ARAP2: variants seen among roughly 807,000 people sequenced by gnomAD.
ARAP2 encodes arf-GAP with Rho-GAP domain, ANK repeat and PH domain-containing protein 2.
Under a neutral mutation model 194.5 loss-of-function variants are expected in ARAP2, and 148 were observed. The ratio of observed to expected loss-of-function variants is 0.76; its 90% CI spans 0.67 to 0.87. ARAP2 has a LOEUF of 0.87. Ranked by LOEUF, ARAP2 falls within the 40% of genes least tolerant of loss-of-function variation. The pLI, the probability that ARAP2 is intolerant of heterozygous loss-of-function variation, is 0.00. For missense variants in ARAP2, 2,128 were observed against 1,989.7 expected (o/e 1.07, Z -1.32); for synonymous variants, 695 against 683.5 (o/e 1.02, Z -0.26).
Position 36,039,785 on chromosome 4 carries a change from G to A in ARAP2, n.607+6194C>T, listed in dbSNP as rs553239351. 5.3e-5 allele frequency among the ~76,000 whole-genome samples: 8 copies of A among 152,190 alleles called. No individual in the cohort carries two copies. In the South Asian group the frequency reaches 1.5e-3, roughly 28 times the overall value. ...AAGGAGGATCAGCAGGACTGGAAGA[G>A]GTGTCATAAAGAAAGGCATGAAGAC... On this transcript the variant is annotated intron_variant and non_coding_transcript_variant, in intron 5 of 12. Transcript: ENST00000503225.
Position 36,030,014 on chromosome 4 carries a change from T to C in ARAP2, n.608-10728A>G, listed in dbSNP as rs537735592. ...TATAAATATGATTAAATATATTCAA[T>C]TGTAATCTTAATTTTTTTGCCAAAA... is the stretch of plus-strand genomic sequence containing the variant. On this transcript the variant is annotated intron_variant and non_coding_transcript_variant, in intron 5 of 12. Coordinates refer to the ARAP2 transcript ENST00000503225. Among the ~76,000 whole-genome samples the C allele has an allele frequency of 1.4e-3, 218 of 152,232 alleles. 2 individuals carry two copies. The South Asian group carries it at 0.043, about 30-fold the overall frequency.
At chr4:36,037,786 T>C (rs896498474) in intron 5 of ARAP2, among the ~76,000 whole-genome samples, 1 of 152,174 alleles carries the variant, frequency 6.6e-6, no homozygotes, top group Admixed American at 6.6e-5. Flanking sequence ...AATATTTTAT[T>C]TTATATTGCT....
chr4:36,091,019 T>C (rs1460590756), intron 28 of ARAP2, among the ~76,000 whole-genome samples: 1 of 152,144 alleles, frequency 6.6e-6, no homozygotes, highest in Admixed American at 6.6e-5. Flanking sequence ...TTTATCCTAA[T>C]GCTTTTTAAA....
chr4:36,151,142 A>T, intron 15 of ARAP2, 98 bp from the exon 16 acceptor site: 1 of 1,054,902 alleles, frequency 9.5e-7, no homozygotes, highest in Non-Finnish European at 1.3e-6. Flanking sequence ...GATGCAAGTA[A>T]ATAAATTTAT....
chr4:36,222,547 T>A (rs1019161327), intron 2 of ARAP2, among the ~76,000 whole-genome samples: 2 of 151,994 alleles, frequency 1.3e-5, no homozygotes, highest in African/African-American at 4.8e-5. Context: ...TTTTCATTAA[T>A]CAAAAACATC....
chr4:36,178,081 C>A, intron 8 of ARAP2, 76 bp from the exon 9 acceptor site: 1 of 1,332,700 alleles, frequency 7.5e-7, no homozygotes, highest in Admixed American at 2.6e-5. Context: ...AGAAGAAATC[C>A]ATGCCCTTTG....
intron 9 of ARAP2, among the ~76,000 whole-genome samples, chr4:36,009,837 C>T (rs544270836): frequency 2.2e-5 from 3 of 134,950 alleles, no homozygotes; most frequent in Non-Finnish European, 4.6e-5. Context: ...AGGAAAGTCC[C>T]TCTCTCTTGT....
Position 36,092,760 on chromosome 4 carries a change from C to A in ARAP2, c.4286-740G>T, listed in dbSNP as rs905085537. Among the ~76,000 whole-genome samples, 30 of 152,138 alleles carry A rather than the reference C, an allele frequency of 2.0e-4. 1 individual carries two copies. The highest frequency in any genetic ancestry group is 7.2e-4 in the African/African-American group (30 of 41,518). ...ACTTTTTTCTAATGTGGCTACTATA[C>A]AATTTATAATTACATATGTGGCTTG... On this transcript the variant is annotated intron_variant, in intron 27 of 32. Transcript: ENST00000303965.
At chr4:36,199,856 C>T (rs1295643257) in intron 6 of ARAP2, among the ~76,000 whole-genome samples, 1 of 152,168 alleles carries the variant, frequency 6.6e-6, no homozygotes, top group Non-Finnish European at 1.5e-5. Flanking sequence ...CACACAAAAA[C>T]AAACTCTGTT....
intron 31 of ARAP2, among the ~76,000 whole-genome samples, chr4:36,079,575 G>A (rs992318445): frequency 6.6e-6 from 1 of 152,118 alleles, no homozygotes; most frequent in African/African-American, 2.4e-5. Context: ...CTATATAACT[G>A]TTCCTCAAAA....
chr4:36,063,064 TGTTA>T (rs946489499), downstream of ARAP2, among the ~76,000 whole-genome samples: 5 of 152,194 alleles, frequency 3.3e-5, no homozygotes, highest in African/African-American at 1.2e-4. Context: ...CTCCATTTTT[TGTTA>T]AAGGGGTCTT....
At chr4:36,122,701 T>G (rs1722946503) in intron 22 of ARAP2, among the ~76,000 whole-genome samples, 1 of 151,610 alleles carries the variant, frequency 6.6e-6, no homozygotes, top group South Asian at 2.1e-4. Flanking sequence ...AACAAACCCC[T>G]GTGATACAAG....
chr4:36,027,394 C>T (rs1311942997), intron 5 of ARAP2, among the ~76,000 whole-genome samples: 4 of 151,690 alleles, frequency 2.6e-5, no homozygotes, highest in African/African-American at 4.8e-5. Flanking sequence ...AAGCCTCCCT[C>T]GGTGCCTTTG....
chr4:36,209,137 C>T (rs941224414), intron 6 of ARAP2, among the ~76,000 whole-genome samples: 1 of 152,050 alleles, frequency 6.6e-6, no homozygotes, highest in Non-Finnish European at 1.5e-5. Flanking sequence ...GTTTTTTCTT[C>T]CAGTGATACT....
intron 32 of ARAP2, among the ~76,000 whole-genome samples, chr4:36,069,550 TAAA>T (rs1284176719): frequency 1.3e-5 from 2 of 152,116 alleles, no homozygotes; most frequent in Non-Finnish European, 2.9e-5. Context: ...TTAATCTTGT[TAAA>T]AAGTTTCACT....
In ARAP2 at chr4:36,107,551, G is replaced by A. The variant is rs1481608155; in HGVS notation, c.4285+14C>T. The A allele has an allele frequency of 6.3e-7, 1 of 1,597,366 alleles. No individual in the cohort carries two copies. The highest frequency in any genetic ancestry group is 2.3e-5 in the East Asian group (1 of 44,324). On this transcript the variant is annotated intron_variant, in intron 27 of 32. Transcript: ENST00000303965. ...TTTTCAATCATAGCTGCAATGTGAA[G>A]TAATGACACCTACCACTGCAGTGTT...
intron 6 of ARAP2, among the ~76,000 whole-genome samples, chr4:36,205,809 G>C (rs1282774860): frequency 1.3e-5 from 2 of 152,170 alleles, no homozygotes; most frequent in Non-Finnish European, 2.9e-5. Context: ...AGCTAGGATG[G>C]CTGAAAGGAA....
chr4:36,175,511 C>T (rs1381673225), intron 9 of ARAP2, among the ~76,000 whole-genome samples: 5 of 152,104 alleles, frequency 3.3e-5, no homozygotes, highest in Admixed American at 3.3e-4. Flanking sequence ...TCCTTATCGG[C>T]TCATTCTTGA....
intron 9 of ARAP2, among the ~76,000 whole-genome samples, chr4:36,173,136 G>A (rs1578166089): frequency 6.6e-6 from 1 of 152,002 alleles, no homozygotes; most frequent in East Asian, 1.9e-4. Context: ...AAGACATCTG[G>A]TTGTAATGAA....
Sources: gnomAD v4.1 joint callset for allele counts (sites outside exome capture counted in the v4.1 genomes callset) on GRCh38, gnomAD v4.1.1 for gene constraint, MANE v1.5 for transcripts, NCBI Gene and HGNC (gene_info 2026-07-23, HGNC 2026-07-21) for gene names.